FGD3: variants seen among roughly 807,000 people sequenced by gnomAD.
The protein encoded by FGD3 is FYVE, RhoGEF and PH domain-containing protein 3.
A neutral mutation model predicts 71.8 loss-of-function variants in FGD3; 45 were observed. The ratio of observed to expected loss-of-function variants is 0.63; its 90% CI spans 0.49 to 0.80. FGD3 has a LOEUF of 0.80. Among genes scored for constraint, FGD3 ranks in the 30% least tolerant of loss-of-function variants. FGD3 has a pLI of 0.00. For synonymous variants in FGD3, 378 were observed against 392.8 expected (o/e 0.96, Z 0.44); for missense variants, 844 against 951.5 (o/e 0.89, Z 1.49).
At chr9:92,963,049 G>A (rs551504614) in intron 1 of FGD3, among the ~76,000 whole-genome samples, 1 of 152,294 alleles carries the variant, frequency 6.6e-6, no homozygotes, top group African/African-American at 2.4e-5. Flanking sequence ...CCTTGTCACG[G>A]CTGGGTGTAG....
intron 3 of FGD3, among the ~76,000 whole-genome samples, chr9:92,977,385 TG>T (rs1465929349): frequency 6.6e-6 from 1 of 152,048 alleles, no homozygotes; most frequent in East Asian, 1.9e-4. Flanking sequence ...TCAGAGAAAC[TG>T]TGGGTATGGG....
Position 93,028,352 on chromosome 9 carries a change from A to AAT in FGD3, c.1558-1521_1558-1520insTA, listed in dbSNP as rs1167079705. On this transcript the variant is annotated intron_variant, in intron 14 of 17. Coordinates refer to ENST00000375482, the MANE Select transcript of FGD3 (RefSeq NM_001083536.2). Reference sequence around the variant, plus strand: ...TCTTTTAAACAGGAAAAAAAAAAAAAAAGAAAGAAAAACACCTGCAGGCTT... The same window carrying AAT: ...TCTTTTAAACAGGAAAAAAAAAAAAAATAAGAAAGAAAAACACCTGCAGGCTT... 7.7e-4 allele frequency among the ~76,000 whole-genome samples: 85 copies of AAT among 109,944 alleles called. 1 individual carries two copies. The highest frequency in any genetic ancestry group is 1.0e-3 in the Non-Finnish European group (50 of 47,772). The allele number at this position is 109,944 out of a possible 152,430, so 72.1% of individuals were successfully genotyped here. A position where few individuals can be genotyped will look rare whatever the true frequency, so the allele number is the denominator to read the frequency against.
At position 93,003,777 on chromosome 9, in the gene FGD3, G is replaced by C. The variant is rs1860944966; in HGVS notation, c.544-224G>C. Among the ~76,000 whole-genome samples, 1 of 152,232 alleles carries C rather than the reference G, an allele frequency of 6.6e-6. No individual in the cohort carries two copies. Among genetic ancestry groups the C allele is most frequent in the Non-Finnish European group, 1.5e-5 (1 of 68,042 alleles). ...TCCCTGTCCTCAGGCGACTGTCCCTGCCTCACCCACATTCGTAAGTCATAA... is the reference window on the plus strand; with the variant it reads ...TCCCTGTCCTCAGGCGACTGTCCCTCCCTCACCCACATTCGTAAGTCATAA... On this transcript the variant is annotated intron_variant, in intron 4 of 17. Coordinates refer to ENST00000375482, the MANE Select transcript of FGD3 (RefSeq NM_001083536.2). The surrounding 1 kb of genome is among the most constrained non-coding windows in gnomAD (Gnocchi z 4.1).
chr9:92,962,726 AG>A (rs758393414), intron 1 of FGD3, among the ~76,000 whole-genome samples: 1 of 152,210 alleles, frequency 6.6e-6, no homozygotes, highest in Admixed American at 6.5e-5. Flanking sequence ...AGATCACCTG[AG>A]GTCAGGAGTT....
chr9:92,959,824 TCCCATGTCCTTGTGTC>T (rs1323285277), intron 1 of FGD3, among the ~76,000 whole-genome samples: 1 of 151,828 alleles, frequency 6.6e-6, no homozygotes, highest in East Asian at 1.9e-4. Flanking sequence ...TGTCTGCATG[TCCCATGTCCTTGTGTC>T]CCCATGCCCC....
At chr9:92,985,980 C>A (rs1321175627) in intron 3 of FGD3, among the ~76,000 whole-genome samples, 1 of 152,114 alleles carries the variant, frequency 6.6e-6, no homozygotes, top group Non-Finnish European at 1.5e-5. Flanking sequence ...CCTTAGGGTT[C>A]CAGAATGAAC....
intron 14 of FGD3, among the ~76,000 whole-genome samples, chr9:93,024,832 C>A (rs1862060757): frequency 6.6e-6 from 1 of 152,236 alleles, no homozygotes; most frequent in Non-Finnish European, 1.5e-5. Flanking sequence ...AATGTTCTAG[C>A]TGGAAGAACC....
At chr9:93,035,007 T>A (rs1446626840) in intron 17 of FGD3, among the ~76,000 whole-genome samples, 1 of 152,116 alleles carries the variant, frequency 6.6e-6, no homozygotes, top group East Asian at 1.9e-4. Flanking sequence ...GGAGCCCCAG[T>A]TGCTACTCTG....
intron 3 of FGD3, among the ~76,000 whole-genome samples, chr9:92,992,518 G>T (rs1219454653): frequency 6.6e-6 from 1 of 152,176 alleles, no homozygotes; most frequent in East Asian, 1.9e-4. Flanking sequence ...TCCTGGGTTG[G>T]AGTGGCAGAC....
chr9:92,964,911 T>C (rs1859257376), intron 1 of FGD3, among the ~76,000 whole-genome samples: 1 of 152,158 alleles, frequency 6.6e-6, no homozygotes, highest in Admixed American at 6.5e-5. Context: ...CCACACAGTG[T>C]GTCTCCAGAA....
At chr9:92,957,677 CTTTT>C (rs60726578) in intron 1 of FGD3, among the ~76,000 whole-genome samples, 1 of 102,228 alleles carries the variant, frequency 9.8e-6, no homozygotes. Context: ...ATTTTCTTTT[CTTTT>C]TTTTTTTTTT....
intron 3 of FGD3, among the ~76,000 whole-genome samples, chr9:92,993,560 C>T (rs1860504811): frequency 1.3e-5 from 2 of 152,136 alleles, no homozygotes; most frequent in South Asian, 2.1e-4. Flanking sequence ...TGGTGTGCTG[C>T]ACCCGTTAAC....
At chr9:92,962,343 T>G (rs1859183168) in intron 1 of FGD3, among the ~76,000 whole-genome samples, 1 of 152,236 alleles carries the variant, frequency 6.6e-6, no homozygotes, top group Admixed American at 6.5e-5. Context: ...GGGACCCCAC[T>G]GCTGGCCTTC....
At chr9:92,984,743 A>G (rs1226842092) in intron 3 of FGD3, among the ~76,000 whole-genome samples, 7 of 152,148 alleles carry the variant, frequency 4.6e-5, no homozygotes, top group African/African-American at 1.7e-4. Flanking sequence ...TTTAGACACT[A>G]CCAGGGACTG....
chr9:92,963,621 T>A (rs1233361847), intron 1 of FGD3, among the ~76,000 whole-genome samples: 2 of 152,160 alleles, frequency 1.3e-5, no homozygotes, highest in East Asian at 3.9e-4. Flanking sequence ...TTAAAAAAAA[T>A]GAATATAAGC....
At chr9:92,963,210 G>A (rs765462446) in intron 1 of FGD3, among the ~76,000 whole-genome samples, 9 of 152,242 alleles carry the variant, frequency 5.9e-5, no homozygotes, top group Non-Finnish European at 1.3e-4. Context: ...GGGGCATGAA[G>A]GGGCCCAATG....
At chr9:92,992,980 G>A (rs1239121587) in intron 3 of FGD3, among the ~76,000 whole-genome samples, 1 of 152,106 alleles carries the variant, frequency 6.6e-6, no homozygotes, top group Non-Finnish European at 1.5e-5. Context: ...CTAGAGGCTG[G>A]GTGCCTCCAC....
chr9:92,949,432 G>A (rs970443243), intron 1 of FGD3, among the ~76,000 whole-genome samples: 4 of 152,186 alleles, frequency 2.6e-5, no homozygotes, highest in African/African-American at 9.7e-5. Context: ...CGTCCACTCT[G>A]GCTATGGGGA....
intron 6 of FGD3, among the ~76,000 whole-genome samples, chr9:93,008,964 A>G (rs1262778589): frequency 1.4e-5 from 2 of 143,758 alleles, no homozygotes; most frequent in African/African-American, 2.6e-5. Flanking sequence ...GACTCCATCA[A>G]AAAAAAAAAA....
Sources: allele counts gnomAD v4.1 joint callset (sites outside exome capture counted in the v4.1 genomes callset), GRCh38; gene constraint gnomAD v4.1.1; non-coding constraint Gnocchi (gnomAD v3.1); transcripts MANE v1.5; gene names NCBI Gene and HGNC (gene_info 2026-07-23, HGNC 2026-07-21).